SERPINA11: variants seen among roughly 807,000 people sequenced by gnomAD.
The protein encoded by SERPINA11 is serpin family A member 11, also known as serpin A11.
SERPINA11 carries 28 observed loss-of-function variants against 29.4 expected under a neutral mutation model. The ratio of observed to expected loss-of-function variants is 0.95; its 90% confidence interval spans 0.70 to 1.30. The LOEUF is 1.30. Ranked by LOEUF, SERPINA11 falls within the 50% of genes most tolerant of loss-of-function variation. The pLI is 0.00. For synonymous variants in SERPINA11, 253 were observed against 206.6 expected, an observed-to-expected ratio of 1.22 and a Z score of -1.92; for missense variants, 530 against 507.3, an observed-to-expected ratio of 1.04 and a Z score of -0.43.
intron 3 of SERPINA11, among the ~76,000 whole-genome samples, chr14:94,444,024 C>T (rs1240904648): frequency 3.3e-5 from 5 of 152,178 alleles, no homozygotes; most frequent in Non-Finnish European, 7.3e-5. Context: ...AAATCGAATT[C>T]AGGTTAGAGA....
intron 1 of SERPINA11, among the ~76,000 whole-genome samples, chr14:94,449,780 C>T (rs889118752): frequency 6.6e-6 from 1 of 151,996 alleles, no homozygotes; most frequent in Non-Finnish European, 1.5e-5. Context: ...CACTCAATAG[C>T]TATATATGTG....
intron 3 of SERPINA11, among the ~76,000 whole-genome samples, chr14:94,443,860 T>G (rs1380231801): frequency 1.3e-5 from 2 of 152,198 alleles, no homozygotes; most frequent in Non-Finnish European, 2.9e-5. Context: ...GATTGCCACA[T>G]TTCCCTGGGT....
chr14:94,444,189 T>A (rs887316813), intron 3 of SERPINA11, among the ~76,000 whole-genome samples: 1 of 152,092 alleles, frequency 6.6e-6, no homozygotes, highest in Admixed American at 6.5e-5. Flanking sequence ...TAGAGTCTAG[T>A]GGGGCAGGGG....
intron 2 of SERPINA11, 69 bp downstream of exon 2, chr14:94,448,063 C>A: frequency 1.4e-6 from 2 of 1,451,896 alleles, no homozygotes; most frequent in Non-Finnish European, 9.5e-7. Flanking sequence ...AACCTATTAG[C>A]TGGCTCTCTG....
At position 94,448,712 on chromosome 14, in the gene SERPINA11, G is replaced by A; in HGVS notation, c.63C>T (p.Pro21=). Residue 21 remains proline (P), a synonymous_variant, in exon 2 of 5, where the codon CCC becomes CCT. Transcript: ENST00000334708. ...GACTTTTATCTCCATGGGCAAGAAG[G>A]GGCTGACAGTGGACAGAGGCCAGGA... is the stretch of plus-strand genomic sequence containing the variant. ...TGILASVHCQ[P]LLAHGDKSLQ... is the part of the protein sequence containing the mutation. 1 of 1,530,020 alleles carries A rather than the reference G, an allele frequency of 6.5e-7. No individual in the cohort carries two copies. Among genetic ancestry groups the A allele is most frequent in the Non-Finnish European group, 8.8e-7 (1 of 1,140,604 alleles). The allele number at this position is 1,530,020 out of a possible 1,614,324, so 94.8% of individuals were successfully genotyped here. A position where few individuals can be genotyped will look rare whatever the true frequency, so the allele number is the denominator to read the frequency against.
chr14:94,447,058 C>T (rs1205430944), intron 2 of SERPINA11, among the ~76,000 whole-genome samples: 3 of 152,182 alleles, frequency 2.0e-5, no homozygotes, highest in Non-Finnish European at 4.4e-5. Flanking sequence ...TAATCCTTCT[C>T]AACCAAACTG....
At chr14:94,446,692 G>T in intron 2 of SERPINA11, 88 bp from the exon 3 acceptor site, 4 of 1,359,990 alleles carry the variant, frequency 2.9e-6, no homozygotes, top group South Asian at 1.4e-5. Flanking sequence ...GTTCCTCTTG[G>T]CTATGCAAGT....
intron 1 of SERPINA11, among the ~76,000 whole-genome samples, chr14:94,451,176 T>C (rs1345089720): frequency 2.6e-5 from 4 of 152,208 alleles, no homozygotes; most frequent in African/African-American, 9.7e-5. Context: ...GAAAGAGAGA[T>C]TATATTTTTG....
intron 2 of SERPINA11, among the ~76,000 whole-genome samples, chr14:94,447,455 A>G (rs1267631949): frequency 6.6e-6 from 1 of 152,178 alleles, no homozygotes; most frequent in Non-Finnish European, 1.5e-5. Flanking sequence ...ACCACTATGA[A>G]AACCTCCCAA....
At chr14:94,444,723 C>A (rs1294092049) in intron 3 of SERPINA11, among the ~76,000 whole-genome samples, 1 of 152,222 alleles carries the variant, frequency 6.6e-6, no homozygotes, top group Non-Finnish European at 1.5e-5. Context: ...TTCTCTATCC[C>A]TGGTACCTCA....
intron 2 of SERPINA11, among the ~76,000 whole-genome samples, chr14:94,447,305 C>T (rs1898464273): frequency 6.6e-6 from 1 of 152,204 alleles, no homozygotes; most frequent in Non-Finnish European, 1.5e-5. Context: ...ACAAACACCT[C>T]TTGCAAGCAC....
Position 94,442,699 on chromosome 14 carries a change from G to C in SERPINA11, c.1176C>G (p.Ala392=), listed in dbSNP as rs751110481. ...PSLNTMSDPH[A]HFNRPFLLLL... is the part of the protein sequence containing the mutation. ...GCAAGAGGAAAGGCCTGTTGAAGTG[G>C]GCATGTGGGTCTGACATGGTGTTCA... is the stretch of plus-strand genomic sequence containing the variant. Residue 392 remains alanine, a synonymous_variant, in exon 5 of 5, where the codon GCC becomes GCG. Coordinates refer to ENST00000334708, the MANE Select transcript of SERPINA11 (RefSeq NM_001080451.2). 2.1e-5 allele frequency: 34 copies of C among 1,613,526 alleles called. No homozygotes were observed. The highest frequency in any genetic ancestry group is 2.7e-5 in the Non-Finnish European group (32 of 1,179,828).
intron 4 of SERPINA11, 27 bp from the exon 5 acceptor site, chr14:94,442,836 G>A (rs762851428): frequency 6.4e-7 from 1 of 1,561,438 alleles, no homozygotes; most frequent in South Asian, 1.2e-5. Flanking sequence ...GATGAAGACA[G>A]CATCAGTTTG....
intron 2 of SERPINA11, 94 bp from the exon 3 acceptor site, chr14:94,446,698 C>G: frequency 1.5e-6 from 2 of 1,312,724 alleles, no homozygotes; most frequent in Non-Finnish European, 2.1e-6. Flanking sequence ...CTTGGCTATG[C>G]AAGTATGTGG....
In SERPINA11 at chr14:94,448,679, C is replaced by A; in HGVS notation, c.96G>T (p.Gly32=). Residue 32 remains glycine, a synonymous_variant, in exon 2 of 5, where the codon GGG becomes GGT. Transcript: ENST00000334708. ...AGAGCTGATGCCTGGGGGGTTGAGG[C>A]CCCTGCAGACTTTTATCTCCATGGG... ...LLAHGDKSLQ[G]PQPPRHQLSE... 6.4e-7 allele frequency: 1 copy of A among 1,560,120 alleles called. No homozygotes were observed. Among genetic ancestry groups the A allele is most frequent in the African/African-American group, 1.4e-5 (1 of 73,106 alleles).
chr14:94,447,123 C>T (rs1260953965), intron 2 of SERPINA11, among the ~76,000 whole-genome samples: 1 of 152,164 alleles, frequency 6.6e-6, no homozygotes, highest in Non-Finnish European at 1.5e-5. Flanking sequence ...CTTCACTCAC[C>T]CACTCCAACT....
At chr14:94,450,240 A>T (rs1161668332) in intron 1 of SERPINA11, among the ~76,000 whole-genome samples, 1 of 152,188 alleles carries the variant, frequency 6.6e-6, no homozygotes, top group Non-Finnish European at 1.5e-5. Flanking sequence ...CCCGAAATTC[A>T]TATGCTGAAG....
intron 3 of SERPINA11, among the ~76,000 whole-genome samples, chr14:94,444,128 G>A (rs1221949741): frequency 6.6e-6 from 1 of 152,180 alleles, no homozygotes; most frequent in Non-Finnish European, 1.5e-5. Flanking sequence ...TTTCCCATAG[G>A]CAGCACTTGG....
rs1186029074 is a variant in SERPINA11, at chr14:94,449,467, TTC to T, written c.-3-692_-3-691del. On this transcript the variant is annotated intron_variant, in intron 1 of 4. Transcript: ENST00000334708. ...TTTCTTTCTTTCTTTCTTTCTTTCT[TTC>T]TTTCTTTCTTTCTGTCTGTCTGTCT... Among the ~76,000 whole-genome samples, 71 of 88,188 alleles carry T rather than the reference TTC, an allele frequency of 8.1e-4. 1 individual carries two copies. The highest frequency in any genetic ancestry group is 3.4e-3 in the Admixed American group (32 of 9,528). The allele number at this position is 88,188 out of a possible 152,430, so 57.9% of individuals were successfully genotyped here. A position where few individuals can be genotyped will look rare whatever the true frequency, so the allele number is the denominator to read the frequency against.
Sources: allele counts gnomAD v4.1 joint callset (sites outside exome capture counted in the v4.1 genomes callset), GRCh38; gene constraint gnomAD v4.1.1; transcripts MANE v1.5; gene names NCBI Gene and HGNC (gene_info 2026-07-23, HGNC 2026-07-21).